TTC29: variants seen among roughly 807,000 people sequenced by gnomAD.
TTC29 encodes tetratricopeptide repeat domain 29.
A neutral mutation model predicts 58.1 loss-of-function variants in TTC29; 49 were observed. The ratio of observed to expected loss-of-function variants is 0.84; its 90% CI spans 0.67 to 1.07. The LOEUF is 1.07. Ranked by LOEUF, TTC29 falls within the 50% of genes least tolerant of loss-of-function variation. TTC29 has a pLI of 0.00. For synonymous variants in TTC29, 209 were observed against 196.8 expected, an observed-to-expected ratio of 1.06 and a Z score of -0.52; for missense variants, 582 against 555.6, an observed-to-expected ratio of 1.05 and a Z score of -0.48.
At chr4:146,920,654 C>A (rs1734519307) in intron 4 of TTC29, among the ~76,000 whole-genome samples, 1 of 151,036 alleles carries the variant, frequency 6.6e-6, no homozygotes, top group African/African-American at 2.4e-5. Context: ...TTATCTTTTA[C>A]AAATCAATCA....
intron 7 of TTC29, among the ~76,000 whole-genome samples, chr4:146,871,876 C>G (rs142145739): frequency 6.2e-4 from 95 of 152,064 alleles, no homozygotes; most frequent in Non-Finnish European, 1.2e-3. Context: ...TTCCAGCTCC[C>G]CTTTCTGCAG....
chr4:146,891,808 C>A (rs1371310445), intron 6 of TTC29, among the ~76,000 whole-genome samples: 1 of 152,072 alleles, frequency 6.6e-6, no homozygotes, highest in Non-Finnish European at 1.5e-5. Context: ...AGCAATGGAG[C>A]CTCTTTGGGG....
chr4:146,922,929 C>G (rs986637491), intron 4 of TTC29, among the ~76,000 whole-genome samples: 1 of 151,790 alleles, frequency 6.6e-6, no homozygotes, highest in South Asian at 2.1e-4. Flanking sequence ...AGACCAGTTA[C>G]AAGACCTACC....
chr4:146,740,796 CA>C (rs1745077336), intron 11 of TTC29, among the ~76,000 whole-genome samples: 1 of 152,098 alleles, frequency 6.6e-6, no homozygotes, highest in African/African-American at 2.4e-5. Flanking sequence ...GTGGCTTGAT[CA>C]TAGCTCATAG....
intron 10 of TTC29, among the ~76,000 whole-genome samples, chr4:146,803,987 C>T (rs1346758133): frequency 6.6e-6 from 1 of 152,186 alleles, no homozygotes; most frequent in Admixed American, 6.5e-5. Context: ...CTCTGGTCTG[C>T]AGCATCCAGT....
At chr4:146,937,748 C>T in intron 3 of TTC29, 71 bp from the exon 4 acceptor site, 1 of 826,614 alleles carries the variant, frequency 1.2e-6, no homozygotes. Context: ...ACATAAAATG[C>T]CACCAGGAGA....
chr4:146,728,816 T>TGTATATATAA (rs1744049547), intron 11 of TTC29, among the ~76,000 whole-genome samples: 4 of 46,076 alleles, frequency 8.7e-5, no homozygotes, highest in Non-Finnish European at 2.2e-4. Flanking sequence ...CATATATATG[T>TGTATATATAA]GTATATATAC....
intron 9 of TTC29, among the ~76,000 whole-genome samples, chr4:146,830,406 A>G (rs899920185): frequency 2.6e-5 from 4 of 152,136 alleles, no homozygotes; most frequent in Non-Finnish European, 5.9e-5. Flanking sequence ...CTTAGTATAA[A>G]TTCTTATAAC....
At chr4:146,851,892 T>G (rs547531200) in intron 8 of TTC29, among the ~76,000 whole-genome samples, 1 of 152,324 alleles carries the variant, frequency 6.6e-6, no homozygotes. Flanking sequence ...TCTTTTTCTC[T>G]GGAGAAGCTA....
intron 11 of TTC29, among the ~76,000 whole-genome samples, chr4:146,794,850 C>T (rs1749727047): frequency 6.6e-6 from 1 of 151,964 alleles, no homozygotes; most frequent in African/African-American, 2.4e-5. Context: ...AGGTGTGTTA[C>T]ATAGGTAAAT....
intron 4 of TTC29, among the ~76,000 whole-genome samples, chr4:146,930,892 T>G (rs1323408616): frequency 6.6e-6 from 1 of 152,234 alleles, no homozygotes; most frequent in East Asian, 1.9e-4. Flanking sequence ...GAAAAAGGAA[T>G]TTCCCAAATG....
chr4:146,938,970 T>C (rs921738442), intron 3 of TTC29, among the ~76,000 whole-genome samples: 3 of 152,216 alleles, frequency 2.0e-5, no homozygotes, highest in Non-Finnish European at 4.4e-5. Context: ...TTCTCTGTCC[T>C]GCATTTCCTC....
chr4:146,932,604 G>T (rs1004152532), intron 4 of TTC29, among the ~76,000 whole-genome samples: 3 of 152,028 alleles, frequency 2.0e-5, no homozygotes, highest in African/African-American at 7.2e-5. Context: ...CATATAAAAA[G>T]TATATTTGTA....
intron 11 of TTC29, among the ~76,000 whole-genome samples, chr4:146,713,662 C>A (rs1023464812): frequency 4.6e-5 from 7 of 152,104 alleles, no homozygotes; most frequent in African/African-American, 1.2e-4. Context: ...TATATCAATT[C>A]CCTTGCCAAG....
At chr4:146,717,921 CCTT>C (rs1743057664) in intron 11 of TTC29, among the ~76,000 whole-genome samples, 1 of 152,074 alleles carries the variant, frequency 6.6e-6, no homozygotes, top group Non-Finnish European at 1.5e-5. Context: ...TGATAACCAT[CCTT>C]CTGCTCTCTG....
chr4:146,869,162 T>C (rs1283947401), intron 7 of TTC29, among the ~76,000 whole-genome samples: 1 of 151,382 alleles, frequency 6.6e-6, no homozygotes, highest in African/African-American at 2.4e-5. Flanking sequence ...TATTCCTTTA[T>C]AGAAATGCAA....
At chr4:146,843,451 C>G (rs1179069649) in intron 8 of TTC29, among the ~76,000 whole-genome samples, 11 of 152,170 alleles carry the variant, frequency 7.2e-5, no homozygotes, top group African/African-American at 2.7e-4. Context: ...CATGACTCAT[C>G]ATTCAGAGTA....
chr4:146,816,713 C>A (rs528192542), intron 10 of TTC29, among the ~76,000 whole-genome samples: 1 of 151,954 alleles, frequency 6.6e-6, no homozygotes, highest in African/African-American at 2.4e-5. Context: ...CCCAGGGGAG[C>A]AAGAGAGGGG....
chr4:146,707,403 TTG>T, intron 12 of TTC29, 80 bp downstream of exon 12: 2 of 1,037,172 alleles, frequency 1.9e-6, no homozygotes, highest in Non-Finnish European at 2.9e-6. Flanking sequence ...GCTCCTCTTT[TTG>T]TGTTTGGAGA....
Sources: gnomAD v4.1 joint callset for allele counts (sites outside exome capture counted in the v4.1 genomes callset) on GRCh38, gnomAD v4.1.1 for gene constraint, MANE v1.5 for transcripts, NCBI Gene and HGNC (gene_info 2026-07-23, HGNC 2026-07-21) for gene names.